The following XKR6 variants were observed in gnomAD, a reference collection of about 807,000 sequenced individuals.
XKR6 encodes XK related 6.
Under a neutral mutation model 56.7 loss-of-function variants are expected in XKR6, and 22 were observed. The observed-to-expected ratio is 0.39, with a 90% CI of 0.28 to 0.55. XKR6 has a LOEUF of 0.55. XKR6 is among the 20% of genes least tolerant of loss of function. The probability of loss-of-function intolerance (pLI) is 0.66; values close to 1 mark genes in which losing one functional copy is unlikely to be tolerated. For missense variants in XKR6, 852 were observed against 889.0 expected (o/e 0.96, Z 0.53); for synonymous variants, 524 against 387.8 (o/e 1.35, Z -4.13).
chr8:11,049,013 CG>C (rs1563103196), intron 1 of XKR6, among the ~76,000 whole-genome samples: 1 of 152,168 alleles, frequency 6.6e-6, no homozygotes, highest in African/African-American at 2.4e-5. Context: ...GAAGACGAGT[CG>C]GAACAAGATC....
intron 1 of XKR6, among the ~76,000 whole-genome samples, chr8:11,117,182 T>C (rs1799223499): frequency 6.6e-6 from 1 of 152,260 alleles, no homozygotes; most frequent in African/African-American, 2.4e-5. Flanking sequence ...GAATCTTTTT[T>C]GCAGAAAGGG....
chr8:11,041,800 G>A (rs930352341), intron 1 of XKR6, among the ~76,000 whole-genome samples: 2 of 152,106 alleles, frequency 1.3e-5, no homozygotes, highest in Admixed American at 6.5e-5. Context: ...TTACGCTACT[G>A]GTGGAATAAG....
chr8:11,201,053 T>C lies in XKR6; in HGVS notation c.287A>G (p.Gln96Arg). Reference sequence around the variant, plus strand: ...GCCGGCGCCGGGGGCCGCGGGAGGCTGCAGCGGCTGGTCCCCCCCGTCGGC... The same window carrying C: ...GCCGGCGCCGGGGGCCGCGGGAGGCCGCAGCGGCTGGTCCCCCCCGTCGGC... ...AAADGGDQPL[Q>R]PPAAPGAGRQ... Residue 96 changes from glutamine to arginine, a missense_variant, in exon 1 of 3, where the codon CAG (glutamine) becomes CGG (arginine). Gln to Arg is a conservative substitution (Grantham distance 43). Transcript: ENST00000416569. 8.0e-7 allele frequency: 1 copy of C among 1,249,056 alleles called. No homozygotes were observed. Among genetic ancestry groups the C allele is most frequent in the Non-Finnish European group, 1.0e-6 (1 of 1,000,344 alleles). The allele number at this position is 1,249,056 out of a possible 1,614,324, so 77.4% of individuals were successfully genotyped here.
intron 1 of XKR6, among the ~76,000 whole-genome samples, chr8:10,933,173 T>C (rs1306690490): frequency 7.6e-6 from 1 of 131,642 alleles, no homozygotes; most frequent in African/African-American, 3.1e-5. Flanking sequence ...TTTCATGTGT[T>C]TTTTGGCTGC....
At chr8:11,016,799 T>G (rs1000572938) in intron 1 of XKR6, among the ~76,000 whole-genome samples, 1 of 152,066 alleles carries the variant, frequency 6.6e-6, no homozygotes, top group Non-Finnish European at 1.5e-5. Flanking sequence ...CCACCACTCT[T>G]CTCTCTCGGG....
chr8:11,150,202 G>A (rs961183876), intron 1 of XKR6, among the ~76,000 whole-genome samples: 3 of 152,104 alleles, frequency 2.0e-5, no homozygotes, highest in South Asian at 2.1e-4. Context: ...ACAATGTTTT[G>A]TGTATTTCAA....
intron 1 of XKR6, among the ~76,000 whole-genome samples, chr8:11,007,072 G>A (rs1798386683): frequency 6.6e-6 from 1 of 152,154 alleles, no homozygotes; most frequent in South Asian, 2.1e-4. Context: ...CTGAATAAGA[G>A]GAAAGAGCTG....
intron 1 of XKR6, among the ~76,000 whole-genome samples, chr8:10,972,935 G>A (rs1335479945): frequency 6.6e-6 from 1 of 152,190 alleles, no homozygotes; most frequent in African/African-American, 2.4e-5. Flanking sequence ...CTGTGCACAG[G>A]TTGTAAGGGA....
chr8:11,163,231 T>C (rs1271429224), intron 1 of XKR6, among the ~76,000 whole-genome samples: 1 of 152,240 alleles, frequency 6.6e-6, no homozygotes, highest in Admixed American at 6.5e-5. Context: ...ATCACCATTC[T>C]TTAAACATGA....
At chr8:11,138,838 G>A (rs1800532627) in intron 1 of XKR6, among the ~76,000 whole-genome samples, 1 of 151,220 alleles carries the variant, frequency 6.6e-6, no homozygotes, top group South Asian at 2.1e-4. Flanking sequence ...CTCTAAACAG[G>A]CAAACTATAT....
intron 1 of XKR6, chr8:11,195,180 CT>C (rs1156451646): frequency 1.4e-6 from 1 of 703,120 alleles, no homozygotes; most frequent in African/African-American, 1.7e-5. Flanking sequence ...GTGGTTAAAT[CT>C]GCTCCTTCTT....
intron 1 of XKR6, among the ~76,000 whole-genome samples, chr8:11,069,632 C>A (rs567962533): frequency 6.6e-5 from 10 of 152,300 alleles, no homozygotes; most frequent in African/African-American, 2.4e-4. Context: ...CATCAGCCCA[C>A]TGACATTTCC....
At chr8:11,178,568 A>G (rs935056460) in intron 1 of XKR6, among the ~76,000 whole-genome samples, 39 of 127,774 alleles carry the variant, frequency 3.1e-4, no homozygotes, top group Non-Finnish European at 5.6e-4. Context: ...ATATATATAT[A>G]TATATGTATA....
chr8:11,065,292 G>A (rs1317878891), intron 1 of XKR6, among the ~76,000 whole-genome samples: 2 of 152,206 alleles, frequency 1.3e-5, no homozygotes, highest in African/African-American at 4.8e-5. Context: ...TATGAACCAT[G>A]AGAGGAAGTT....
chr8:10,954,627 G>C (rs1401269890), intron 1 of XKR6, among the ~76,000 whole-genome samples: 1 of 152,012 alleles, frequency 6.6e-6, no homozygotes, highest in African/African-American at 2.4e-5. Context: ...TTTCCTGATG[G>C]TGTCCTCTGA....
chr8:11,180,440 T>C (rs1377195933), intron 1 of XKR6, among the ~76,000 whole-genome samples: 2 of 152,194 alleles, frequency 1.3e-5, no homozygotes, highest in Non-Finnish European at 2.9e-5. Flanking sequence ...ACCAACTAGA[T>C]GCCAGTAGCA....
chr8:10,910,104 AT>A (rs34933490), intron 2 of XKR6, among the ~76,000 whole-genome samples: 2 of 152,198 alleles, frequency 1.3e-5, no homozygotes, highest in East Asian at 3.9e-4. Context: ...ATCTGGAGAC[AT>A]TTTTGATTGT....
intron 1 of XKR6, among the ~76,000 whole-genome samples, chr8:11,046,214 T>A (rs868040691): frequency 6.6e-6 from 1 of 151,966 alleles, no homozygotes; most frequent in African/African-American, 2.4e-5. Flanking sequence ...GCCTGATCAA[T>A]ATGGTGAAAC....
intron 1 of XKR6, among the ~76,000 whole-genome samples, chr8:11,059,311 C>G (rs1799766985): frequency 1.3e-5 from 2 of 152,240 alleles, no homozygotes; most frequent in South Asian, 4.1e-4. Flanking sequence ...AATGAAGGAA[C>G]GAATGACGGA....
Sources: allele counts gnomAD v4.1 joint callset (sites outside exome capture counted in the v4.1 genomes callset), GRCh38; gene constraint gnomAD v4.1.1; transcripts MANE v1.5; gene names NCBI Gene and HGNC (gene_info 2026-07-23, HGNC 2026-07-21).